Variants in ZP3 observed in about 807,000 individuals in gnomAD.
ZP3 encodes the protein zona pellucida sperm-binding protein 3.
Under a neutral mutation model 35.6 loss-of-function variants are expected in ZP3, and 21 were observed. That is an observed-to-expected ratio of 0.59 (90% CI 0.42 to 0.85). The LOEUF (loss-of-function observed/expected upper bound fraction) is 0.85, where lower values mean the gene tolerates loss of function less well. ZP3 is among the 40% of genes least tolerant of loss of function. The pLI is 0.00. For synonymous variants in ZP3, 207 were observed against 214.5 expected (o/e 0.96, Z 0.31); for missense variants, 437 against 536.5 (o/e 0.81, Z 1.83).
chr7:76,418,512 C>T (rs1805427831), intron 1 of ZP3, among the ~76,000 whole-genome samples: 1 of 134,498 alleles, frequency 7.4e-6, no homozygotes, highest in South Asian at 2.5e-4. Context: ...GATAGCACCA[C>T]TGTACTCCAG....
At chr7:76,432,544 A>G (rs1805862506) in intron 2 of ZP3, among the ~76,000 whole-genome samples, 1 of 151,964 alleles carries the variant, frequency 6.6e-6, no homozygotes, top group South Asian at 2.1e-4. Flanking sequence ...TCAAACTCCT[A>G]GCCTCAGGCA....
rs749973394 is a variant in ZP3, at chr7:76,398,779, G to A, written c.-67+982G>A. 4 of 1,612,882 alleles carry A rather than the reference G, an allele frequency of 2.5e-6. No individual in the cohort carries two copies. The Admixed American group carries it at 6.7e-5, about 27-fold the overall frequency. ...ACTGGTTAACATCTTCCTTGTTGGG[G>A]GCTGCGTTGGCAAGAATTCTGGAAA... On this transcript the variant is annotated intron_variant, in intron 1 of 8. Transcript: ENST00000336517.
intron 1 of ZP3, among the ~76,000 whole-genome samples, chr7:76,402,758 C>T (rs866673652): frequency 6.6e-6 from 1 of 152,236 alleles, no homozygotes; most frequent in Non-Finnish European, 1.5e-5. Context: ...CAACCTCCCC[C>T]TCCTGGGTTC....
chr7:76,432,917 C>T lies in ZP3; in HGVS notation c.432-10C>T, dbSNP rs1285977564. 3.1e-6 allele frequency: 5 copies of T among 1,613,096 alleles called. No individual in the cohort carries two copies. Among genetic ancestry groups the T allele is most frequent in the East Asian group, 4.5e-5 (2 of 44,876 alleles). ...GAGGCAGGTGTGCACAGCTGCTGTTCTTCTCTCAGGCAGGGCAATGTGAGC... is the reference window on the plus strand; with the variant it reads ...GAGGCAGGTGTGCACAGCTGCTGTTTTTCTCTCAGGCAGGGCAATGTGAGC... On this transcript the variant is annotated splice_polypyrimidine_tract_variant and intron_variant, in intron 2 of 7. Coordinates refer to ENST00000394857, the MANE Select transcript of ZP3 (RefSeq NM_001110354.2).
upstream of ZP3, among the ~76,000 whole-genome samples, chr7:76,423,025 G>GAGAGAGAGAGAGAGAGAGAAAGAA (rs1278384225): frequency 4.0e-5 from 3 of 75,834 alleles, no homozygotes; most frequent in Admixed American, 1.6e-4. Context: ...GAGAGAGAGA[G>GAGAGAGAGAGAGAGAGAGAAAGAA]AGAAAGAAAG....
intron 1 of ZP3, chr7:76,404,496 G>A: frequency 6.2e-7 from 1 of 1,612,584 alleles, no homozygotes; most frequent in Non-Finnish European, 8.5e-7. Flanking sequence ...AGAAGTCACA[G>A]TTGGAACATC....
chr7:76,401,140 A>AC (rs1391061981), intron 1 of ZP3: 1 of 1,405,204 alleles, frequency 7.1e-7, no homozygotes, highest in Non-Finnish European at 9.4e-7. Flanking sequence ...CCTCAACATT[A>AC]CCCCCATCTT....
intron 5 of ZP3, among the ~76,000 whole-genome samples, chr7:76,438,860 G>A (rs1353453505): frequency 4.0e-5 from 5 of 125,706 alleles, no homozygotes; most frequent in Middle Eastern, 3.7e-3. Flanking sequence ...CTGGCCGGGC[G>A]CAGTGGCTCA....
At chr7:76,436,041 T>TCC (rs1805994959) in intron 5 of ZP3, among the ~76,000 whole-genome samples, 128 of 26,308 alleles carry the variant, frequency 4.9e-3, no homozygotes, top group South Asian at 7.8e-3. Flanking sequence ...TTTTTTTTTT[T>TCC]TTTTTTTTTT....
chr7:76,398,997 TTTG>T (rs1234482733), intron 1 of ZP3, among the ~76,000 whole-genome samples: 34 of 152,128 alleles, frequency 2.2e-4, no homozygotes, highest in South Asian at 4.1e-4. Context: ...AAGCACGGTT[TTTG>T]TTGTTGTTTT....
At chr7:76,426,293 C>T (rs1258089559) in intron 1 of ZP3, among the ~76,000 whole-genome samples, 1 of 152,144 alleles carries the variant, frequency 6.6e-6, no homozygotes, top group Non-Finnish European at 1.5e-5. Flanking sequence ...CAAGGAGAGG[C>T]CTTACGGCAG....
intron 1 of ZP3, among the ~76,000 whole-genome samples, chr7:76,411,587 G>A (rs1295537266): frequency 1.3e-5 from 2 of 151,724 alleles, no homozygotes; most frequent in Admixed American, 6.6e-5. Context: ...AAAAAAGAAC[G>A]ATGATGAGTT....
intron 5 of ZP3, among the ~76,000 whole-genome samples, chr7:76,438,792 G>A (rs1288291956): frequency 7.7e-6 from 1 of 130,684 alleles, no homozygotes; most frequent in Non-Finnish European, 1.6e-5. Context: ...GCAGAGGTAT[G>A]TGCAAGGAAG....
chr7:76,418,960 T>C (rs1805444280), intron 1 of ZP3, among the ~76,000 whole-genome samples: 1 of 152,170 alleles, frequency 6.6e-6, no homozygotes, highest in South Asian at 2.1e-4. Context: ...AAACAGAAAG[T>C]ATCAGAGAGA....
At position 76,425,382 on chromosome 7, in the gene ZP3, T is replaced by C. The variant is rs370340981; in HGVS notation, c.312+106T>C. ...GGAGGTGGGGTTGGGTGGATCCCTC[T>C]CACTTGTAGGTGGGGAGGTGGCCCA... On this transcript the variant is annotated intron_variant, in intron 1 of 7. Coordinates refer to ENST00000394857, the MANE Select transcript of ZP3 (RefSeq NM_001110354.2). 7.2e-4 allele frequency: 901 copies of C among 1,255,814 alleles called. 9 individuals are homozygous for C. The South Asian group carries it at 9.2e-3, about 13-fold the overall frequency. 77.8% of individuals were successfully genotyped at this position (1,255,814 alleles called of 1,614,324 possible). A position where few individuals can be genotyped will look rare whatever the true frequency, so the allele number is the denominator to read the frequency against.
chr7:76,416,945 CATATATATAT>C (rs35169816), intron 1 of ZP3, among the ~76,000 whole-genome samples: 6 of 73,252 alleles, frequency 8.2e-5, no homozygotes, highest in African/African-American at 2.9e-4. Flanking sequence ...TGTATACATA[CATATATATAT>C]ATATATATAT....
At chr7:76,402,150 G>T (rs1784578581) in intron 1 of ZP3, among the ~76,000 whole-genome samples, 1 of 151,036 alleles carries the variant, frequency 6.6e-6, no homozygotes, top group Non-Finnish European at 1.5e-5. Context: ...CTCCAGAATA[G>T]CTGGGACAAG....
At chr7:76,422,114 C>T (rs1805516929), upstream of ZP3, among the ~76,000 whole-genome samples, 1 of 152,022 alleles carries the variant, frequency 6.6e-6, no homozygotes, top group South Asian at 2.1e-4. Context: ...TTAGGCTGGT[C>T]TCGATCTCCT....
chr7:76,398,655 C>G, intron 1 of ZP3: 1 of 1,527,506 alleles, frequency 6.5e-7, no homozygotes. Context: ...TTCCCACTGC[C>G]TAGGGTAGGG....
Sources: allele counts gnomAD v4.1 joint callset (sites outside exome capture counted in the v4.1 genomes callset), GRCh38; gene constraint gnomAD v4.1.1; transcripts MANE v1.5; gene names NCBI Gene and HGNC (gene_info 2026-07-23, HGNC 2026-07-21).